SHISA6: variants seen among roughly 807,000 people sequenced by gnomAD.
SHISA6 encodes shisa family member 6, also known as protein shisa-6.
SHISA6 carries 22 observed loss-of-function variants against 47.9 expected under a neutral mutation model. That is an observed-to-expected ratio of 0.46 (90% CI 0.33 to 0.66). SHISA6 has a LOEUF of 0.66. Among genes scored for constraint, SHISA6 ranks in the 30% least tolerant of loss-of-function variants. The pLI is 0.02. For missense variants in SHISA6, 680 were observed against 764.6 expected, an observed-to-expected ratio of 0.89 and a Z score of 1.30; for synonymous variants, 388 against 337.8, an observed-to-expected ratio of 1.15 and a Z score of -1.63.
chr17:11,429,151 T>A (rs1403723436), intron 3 of SHISA6, among the ~76,000 whole-genome samples: 2 of 152,158 alleles, frequency 1.3e-5, no homozygotes, highest in Non-Finnish European at 2.9e-5. Flanking sequence ...TGTGGGCTGT[T>A]GGACTGAGGA....
intron 3 of SHISA6, among the ~76,000 whole-genome samples, chr17:11,516,060 G>T (rs1355858991): frequency 3.3e-5 from 5 of 152,126 alleles, no homozygotes; most frequent in Non-Finnish European, 7.3e-5. Context: ...TTTTAATGTT[G>T]TGACATCATC....
chr17:11,429,830 TCAG>T (rs1914701560), intron 3 of SHISA6, among the ~76,000 whole-genome samples: 1 of 143,324 alleles, frequency 7.0e-6, no homozygotes, highest in African/African-American at 2.6e-5. Context: ...AATCAATCAA[TCAG>T]TCAATCAAAT....
At position 11,276,350 on chromosome 17, in the gene SHISA6, G is replaced by A. The variant is rs775250878; in HGVS notation, c.799+12824G>A. 3.3e-5 allele frequency among the ~76,000 whole-genome samples: 5 copies of A among 152,086 alleles called. No homozygotes were observed. The South Asian group carries it at 8.3e-4, about 25-fold the overall frequency. The stretch of plus-strand genomic sequence containing the variant: ...GGAAGTGGAAACTATTGCATCACCC[G>A]GGTGATGGGAGGGAGATGGGACTTG... On this transcript the variant is annotated intron_variant, in intron 2 of 5. Coordinates refer to ENST00000441885, the MANE Select transcript of SHISA6 (RefSeq NM_207386.4).
In SHISA6 at chr17:11,265,931, G is replaced by C. The variant is rs191781358; in HGVS notation, c.799+2405G>C. The stretch of plus-strand genomic sequence containing the variant: ...TACATGATTCACTTCTATGTTTCAA[G>C]AAATTCTCCTCAAATTTCTCAAATT... On this transcript the variant is annotated intron_variant, in intron 2 of 5. Coordinates refer to ENST00000441885, the MANE Select transcript of SHISA6 (RefSeq NM_207386.4). 7.7e-4 allele frequency among the ~76,000 whole-genome samples: 117 copies of C among 152,318 alleles called. 1 individual carries two copies. The highest frequency in any genetic ancestry group is 2.7e-3 in the African/African-American group (114 of 41,580).
chr17:11,501,915 G>T (rs1391095769), intron 3 of SHISA6, among the ~76,000 whole-genome samples: 2 of 152,156 alleles, frequency 1.3e-5, no homozygotes, highest in Non-Finnish European at 2.9e-5. Flanking sequence ...AGGTATTACT[G>T]TATCCTCTGG....
chr17:11,251,840 C>T (rs1907822388), intron 1 of SHISA6, among the ~76,000 whole-genome samples: 1 of 152,120 alleles, frequency 6.6e-6, no homozygotes, highest in Admixed American at 6.5e-5. Flanking sequence ...AATCCTGGGA[C>T]ACTCTTAATA....
At position 11,560,426 on chromosome 17, in the gene SHISA6, T is replaced by C. The variant is rs1354936540; in HGVS notation, c.*2122T>C. 2 of 152,280 alleles carry C rather than the reference T, an allele frequency of 1.3e-5. No homozygotes were observed. The highest frequency in any genetic ancestry group is 2.9e-5 in the Non-Finnish European group (2 of 68,226). The allele number at this position is 152,280 out of a possible 1,614,324, so 9.4% of individuals were successfully genotyped here. ...GTTTATAAGAGTTTGTTCCAGAAGG[T>C]GAGGCTAAGAGGGTTGGAAAGGAAG... is the stretch of plus-strand genomic sequence containing the variant. On this transcript the variant is annotated 3_prime_UTR_variant, in exon 6 of 6. Transcript: ENST00000441885.
intron 3 of SHISA6, among the ~76,000 whole-genome samples, chr17:11,474,861 TAATATCCAC>T (rs1176022380): frequency 3.9e-5 from 6 of 152,340 alleles, no homozygotes; most frequent in African/African-American, 1.2e-4. Flanking sequence ...ACCAGTTTGT[TAATATCCAC>T]AATATCCACA....
At chr17:11,376,311 GTT>G (rs1016149109) in intron 2 of SHISA6, among the ~76,000 whole-genome samples, 1 of 107,520 alleles carries the variant, frequency 9.3e-6, no homozygotes, top group Non-Finnish European at 1.8e-5. Context: ...GGGGCTTCAT[GTT>G]TTTTTTTGTT....
At chr17:11,256,803 A>G (rs1339503309) in intron 1 of SHISA6, among the ~76,000 whole-genome samples, 1 of 152,228 alleles carries the variant, frequency 6.6e-6, no homozygotes, top group East Asian at 1.9e-4. Context: ...AATGTAAGGA[A>G]CGGAGTATGT....
chr17:11,475,203 T>A (rs563865060), intron 3 of SHISA6, among the ~76,000 whole-genome samples: 2 of 152,322 alleles, frequency 1.3e-5, no homozygotes, highest in Admixed American at 6.5e-5. Flanking sequence ...CTCAATTTTC[T>A]ATGTAGATGA....
chr17:11,310,786 G>A (rs536340158), intron 2 of SHISA6, among the ~76,000 whole-genome samples: 101 of 151,542 alleles, frequency 6.7e-4, no homozygotes, highest in African/African-American at 2.1e-3. Flanking sequence ...CAACCTGACC[G>A]ACATGGTGAA....
At chr17:11,384,006 TTACA>T (rs111415174) in intron 3 of SHISA6, among the ~76,000 whole-genome samples, 14,418 of 152,110 alleles carry the variant, frequency 0.095, 1,472 homozygotes, top group African/African-American at 0.25. Flanking sequence ...TACCAGGTCT[TTACA>T]TACATACATA....
At chr17:11,260,228 TAGAC>T (rs1227068853) in intron 1 of SHISA6, among the ~76,000 whole-genome samples, 2 of 152,108 alleles carry the variant, frequency 1.3e-5, no homozygotes, top group South Asian at 4.2e-4. Flanking sequence ...AGCCAAGAAA[TAGAC>T]AGAAGGGAGC....
At chr17:11,547,782 A>T (rs2071895535) in intron 3 of SHISA6, among the ~76,000 whole-genome samples, 1 of 152,234 alleles carries the variant, frequency 6.6e-6, no homozygotes, top group Admixed American at 6.5e-5. Context: ...GAGTACTAAT[A>T]TGAATAAATT....
rs144750838 is a variant in SHISA6 at position 11,398,428 on chromosome 17, C to T, written c.895+18919C>T. ...TCTATGCCTCCTTTTCTTTAATGAA[C>T]AATCTCCAGAGTGCTTCTTTCCCTA... On this transcript the variant is annotated intron_variant, in intron 3 of 5. Transcript: ENST00000441885. Among the ~76,000 whole-genome samples the T allele has an allele frequency of 1.3e-3, 197 of 152,190 alleles. 2 individuals are homozygous for T. The highest frequency in any genetic ancestry group is 4.5e-3 in the African/African-American group (186 of 41,500).
At chr17:11,433,354 T>TA (rs762825240) in intron 3 of SHISA6, among the ~76,000 whole-genome samples, 3 of 152,170 alleles carry the variant, frequency 2.0e-5, no homozygotes, top group Admixed American at 1.3e-4. Flanking sequence ...GTTCCTGTGT[T>TA]AGTTTGCTGA....
chr17:11,525,027 T>C (rs1388330673), intron 3 of SHISA6, among the ~76,000 whole-genome samples: 3 of 152,138 alleles, frequency 2.0e-5, no homozygotes, highest in African/African-American at 4.8e-5. Flanking sequence ...GGTTACAAGT[T>C]TGATTTTTGT....
intron 3 of SHISA6, among the ~76,000 whole-genome samples, chr17:11,506,684 G>T (rs1043051684): frequency 1.2e-4 from 18 of 152,166 alleles, no homozygotes; most frequent in African/African-American, 3.4e-4. Flanking sequence ...CTTCTGGACT[G>T]GTTACTACCT....
Sources: allele counts gnomAD v4.1 joint callset (sites outside exome capture counted in the v4.1 genomes callset), GRCh38; gene constraint gnomAD v4.1.1; transcripts MANE v1.5; gene names NCBI Gene and HGNC (gene_info 2026-07-23, HGNC 2026-07-21).